The following DIS3L2 variants were observed in gnomAD, a reference collection of about 807,000 sequenced individuals.
The protein encoded by DIS3L2 is DIS3-like exonuclease 2.
In DIS3L2, 34 loss-of-function variants were observed where a neutral mutation model predicts 97.5. That is an observed-to-expected ratio of 0.35 (90% confidence interval 0.27 to 0.46). The LOEUF is 0.46. Ranked by LOEUF, DIS3L2 falls within the 20% of genes least tolerant of loss-of-function variation. The probability of loss-of-function intolerance (pLI) is 1.00; values close to 1 mark genes in which losing one functional copy is unlikely to be tolerated. For missense variants in DIS3L2, 1,038 were observed against 1,146.0 expected, an observed-to-expected ratio of 0.91 and a Z score of 1.36; for synonymous variants, 435 against 445.2, an observed-to-expected ratio of 0.98 and a Z score of 0.29.
rs148474234 is a variant in DIS3L2, at chr2:232,183,407, A to G, written c.1124+19775A>G. On this transcript the variant is annotated intron_variant, in intron 9 of 20. Transcript: ENST00000325385. ...ACAGTAAGTCTCTTAGCGTTTGTTA[A>G]GAGGCTCTGTGTCGACTAATACCTT... Among the ~76,000 whole-genome samples the G allele has an allele frequency of 3.3e-3, 509 of 152,354 alleles. 6 individuals carry two copies. Among genetic ancestry groups the G allele is most frequent in the African/African-American group, 0.011 (474 of 41,580 alleles).
chr2:232,265,775 A>G (rs1574981619), intron 13 of DIS3L2, among the ~76,000 whole-genome samples: 2 of 152,364 alleles, frequency 1.3e-5, no homozygotes, highest in South Asian at 2.1e-4. Flanking sequence ...TCTGTATTCA[A>G]ATTGCTTCAT....
At chr2:232,238,763 A>G (rs1693003001) in intron 11 of DIS3L2, 118 bp downstream of exon 11, 9 of 906,260 alleles carry the variant, frequency 9.9e-6, no homozygotes, top group East Asian at 2.7e-5. Context: ...AGGAAGACAC[A>G]GGTGTTCATC....
In DIS3L2 at chr2:232,276,312, A is replaced by G. The variant is rs1694137800; in HGVS notation, c.1659+12872A>G. Among the ~76,000 whole-genome samples, 2 of 152,206 alleles carry G rather than the reference A, an allele frequency of 1.3e-5. No individual in the cohort carries two copies. Among genetic ancestry groups the G allele is most frequent in the African/African-American group, 4.8e-5 (2 of 41,452 alleles). The stretch of plus-strand genomic sequence containing the variant: ...CTGTCAGTTTCGACCCGTAAATAAC[A>G]GGGCGCTCTCCCCTTTCATTCTCCT... On this transcript the variant is annotated intron_variant, in intron 13 of 20. Coordinates refer to ENST00000325385, the MANE Select transcript of DIS3L2 (RefSeq NM_152383.5). The surrounding 1 kb of genome is among the most constrained non-coding windows in gnomAD (Gnocchi z 4.4).
intron 14 of DIS3L2, among the ~76,000 whole-genome samples, chr2:232,322,856 C>T (rs1695474624): frequency 6.6e-6 from 1 of 152,186 alleles, no homozygotes; most frequent in Admixed American, 6.5e-5. Flanking sequence ...AAACCGAAGT[C>T]GATGCCTTCT....
At chr2:232,176,941 G>GCTAT (rs765645484) in intron 9 of DIS3L2, among the ~76,000 whole-genome samples, 62 of 145,526 alleles carry the variant, frequency 4.3e-4, no homozygotes, top group Non-Finnish European at 8.8e-4. Flanking sequence ...ATCTCCCAAT[G>GCTAT]CTATCCCTCC....
At chr2:232,274,104 C>T (rs1694078261) in intron 13 of DIS3L2, among the ~76,000 whole-genome samples, 1 of 152,162 alleles carries the variant, frequency 6.6e-6, no homozygotes, top group Non-Finnish European at 1.5e-5. Context: ...TGCCTCGCAT[C>T]TCCAGGGGAC....
chr2:232,035,465 G>A (rs1026490296), intron 5 of DIS3L2, among the ~76,000 whole-genome samples: 1 of 152,164 alleles, frequency 6.6e-6, no homozygotes, highest in East Asian at 1.9e-4. Flanking sequence ...TTGCCAGCCT[G>A]TGCCTTTTAA....
At chr2:232,338,994 C>T (rs1182102626), downstream of DIS3L2, among the ~76,000 whole-genome samples, 1 of 152,260 alleles carries the variant, frequency 6.6e-6, no homozygotes, top group Non-Finnish European at 1.5e-5. Context: ...CATTCCATGA[C>T]CAGGGCCTGG....
At chr2:232,029,460 G>A (rs1033230389) in intron 4 of DIS3L2, among the ~76,000 whole-genome samples, 4 of 152,036 alleles carry the variant, frequency 2.6e-5, no homozygotes, top group African/African-American at 9.7e-5. Flanking sequence ...TTGTTTCTGA[G>A]TGAGTGAGTG....
intron 6 of DIS3L2, among the ~76,000 whole-genome samples, chr2:232,118,641 C>T (rs1697801381): frequency 6.6e-6 from 1 of 152,188 alleles, no homozygotes; most frequent in Non-Finnish European, 1.5e-5. Flanking sequence ...CAGTTGCTCT[C>T]ATGTTTAATT....
At chr2:232,054,796 A>G (rs1031846363) in intron 5 of DIS3L2, among the ~76,000 whole-genome samples, 1 of 152,246 alleles carries the variant, frequency 6.6e-6, no homozygotes, top group African/African-American at 2.4e-5. Context: ...GACAAAGATA[A>G]TACAATATAA....
intron 5 of DIS3L2, among the ~76,000 whole-genome samples, chr2:232,057,094 T>C (rs1695566346): frequency 6.6e-6 from 1 of 152,208 alleles, no homozygotes; most frequent in South Asian, 2.1e-4. Flanking sequence ...ATGGATCAAC[T>C]ACAGCAATGT....
At chr2:232,251,361 G>T (rs1267470635) in intron 12 of DIS3L2, among the ~76,000 whole-genome samples, 4 of 152,068 alleles carry the variant, frequency 2.6e-5, no homozygotes, top group Non-Finnish European at 5.9e-5. Flanking sequence ...AGAGCTCTTG[G>T]GAATTAAACA....
At chr2:232,025,362 A>T (rs2106234260) in intron 4 of DIS3L2, among the ~76,000 whole-genome samples, 1 of 152,196 alleles carries the variant, frequency 6.6e-6, no homozygotes, top group East Asian at 1.9e-4. Context: ...TTCAGATTTT[A>T]TATGCTCAAG....
chr2:232,072,816 G>A (rs1696066844), intron 5 of DIS3L2, among the ~76,000 whole-genome samples: 1 of 151,304 alleles, frequency 6.6e-6, no homozygotes, highest in Non-Finnish European at 1.5e-5. Flanking sequence ...GTGTGTGTGT[G>A]TGTTGCTGTG....
chr2:232,020,542 A>G lies in DIS3L2; in HGVS notation c.211-3735A>G, dbSNP rs78316317. On this transcript the variant is annotated intron_variant, in intron 3 of 20. Coordinates refer to ENST00000325385, the MANE Select transcript of DIS3L2 (RefSeq NM_152383.5). ...CTGGATGATGTTGCCATTAACCAAG[A>G]CAGAGAAAAGCAAGGGTTGGAATGT... Among the ~76,000 whole-genome samples, 312 of 152,246 alleles carry G rather than the reference A, an allele frequency of 2.0e-3. 10 individuals are homozygous for G. The East Asian group carries it at 0.048, about 24-fold the overall frequency.
At chr2:231,961,982 G>T (rs959710181) in intron 1 of DIS3L2, among the ~76,000 whole-genome samples, 8 of 152,274 alleles carry the variant, frequency 5.3e-5, no homozygotes, top group Non-Finnish European at 8.8e-5. Flanking sequence ...CCCACTCTCC[G>T]CTCCTGACCG....
At chr2:232,286,383 C>T (rs1694432780) in intron 13 of DIS3L2, among the ~76,000 whole-genome samples, 1 of 150,480 alleles carries the variant, frequency 6.6e-6, no homozygotes, top group African/African-American at 2.5e-5. Context: ...TTGTATCTTC[C>T]TGCTGCGGCC....
chr2:232,296,138 GT>G (rs1275919614), intron 13 of DIS3L2, among the ~76,000 whole-genome samples: 1 of 152,192 alleles, frequency 6.6e-6, no homozygotes, highest in Non-Finnish European at 1.5e-5. Context: ...TCCCAAACCT[GT>G]TTTTCTTCCT....
Sources: gnomAD v4.1 joint callset for allele counts (sites outside exome capture counted in the v4.1 genomes callset) on GRCh38, gnomAD v4.1.1 for gene constraint, Gnocchi (gnomAD v3.1) non-coding constraint, MANE v1.5 for transcripts, NCBI Gene and HGNC (gene_info 2026-07-23, HGNC 2026-07-21) for gene names.